CTTN: variants seen among roughly 807,000 people sequenced by gnomAD.
CTTN encodes src substrate cortactin.
CTTN carries 28 observed loss-of-function variants against 84.0 expected under a neutral mutation model. The ratio of observed to expected loss-of-function variants is 0.33; its 90% confidence interval spans 0.25 to 0.46. The LOEUF (loss-of-function observed/expected upper bound fraction) is 0.46, where lower values mean the gene tolerates loss of function less well. Among genes scored for constraint, CTTN ranks in the 20% least tolerant of loss-of-function variants. The probability of loss-of-function intolerance (pLI) is 1.00; values close to 1 mark genes in which losing one functional copy is unlikely to be tolerated. For missense variants in CTTN, 641 were observed against 723.8 expected (o/e 0.89, Z 1.31); for synonymous variants, 301 against 288.8 (o/e 1.04, Z -0.43).
At chr11:70,426,683 G>A (rs1449613070) in intron 13 of CTTN, among the ~76,000 whole-genome samples, 1 of 151,584 alleles carries the variant, frequency 6.6e-6, no homozygotes, top group South Asian at 2.1e-4. Context: ...CCCATCCCGG[G>A]TTCACGGCAT....
chr11:70,408,182 A>G (rs1226813909), intron 4 of CTTN: 1 of 152,184 alleles, frequency 6.6e-6, no homozygotes, highest in Non-Finnish European at 1.5e-5. Context: ...AAATATGCTC[A>G]GACTTTTATT....
Position 70,429,187 on chromosome 11 carries a change from G to T in CTTN, c.1164G>T (p.Arg388Ser). 6.2e-7 allele frequency: 1 copy of T among 1,612,408 alleles called. No individual in the cohort carries two copies. The highest frequency in any genetic ancestry group is 8.5e-7 in the Non-Finnish European group (1 of 1,179,578). The change falls in exon 14 of 18, where the codon AGG (arginine) becomes AGT (serine). Residue 388 changes from arginine to serine, a missense_variant. Arg to Ser is a moderately radical substitution (Grantham distance 110). This residue lies in a region of CTTN where 289 missense variants were observed against 273.1 expected (regional missense o/e 1.06). Coordinates refer to ENST00000301843, the MANE Select transcript of CTTN (RefSeq NM_005231.4). ...AKERQEQEEA[R>S]RKLEEQARAK... ...AGCGGCAGGAGCAGGAAGAGGCCAGGAGGAAGCTGGAGGTGAGTGGCAAGG... is the reference window on the plus strand; with the variant it reads ...AGCGGCAGGAGCAGGAAGAGGCCAGTAGGAAGCTGGAGGTGAGTGGCAAGG...
chr11:70,419,647 C>T, intron 8 of CTTN, 99 bp from the exon 9 acceptor site: 2 of 875,994 alleles, frequency 2.3e-6, no homozygotes, highest in Non-Finnish European at 3.6e-6. Flanking sequence ...CTACAGTGGA[C>T]CTGAAAGATT....
chr11:70,403,727 A>G (rs2058012936), intron 1 of CTTN, among the ~76,000 whole-genome samples: 1 of 152,146 alleles, frequency 6.6e-6, no homozygotes, highest in Non-Finnish European at 1.5e-5. Context: ...GTAGGGCTCT[A>G]GAGGCTTTTT....
chr11:70,430,136 A>G (rs1445890435), intron 14 of CTTN, among the ~76,000 whole-genome samples: 1 of 152,222 alleles, frequency 6.6e-6, no homozygotes, highest in Non-Finnish European at 1.5e-5. Flanking sequence ...CAAAAAGACA[A>G]GACAGCACTA....
chr11:70,414,550 C>T lies in CTTN; in HGVS notation c.300C>T (p.Val100=), dbSNP rs574999868. ...TTTGAACCCTGTTCCAGTCAGCTGT[C>T]GGCCACGAATATCAGTCGAAACTTT... ...VEQDRMDKSA[V]GHEYQSKLSK... The change falls in exon 6 of 18, where the codon GTC becomes GTT. Residue 100 remains valine (V), a synonymous_variant. Transcript: ENST00000301843. 114 of 1,613,582 alleles carry T rather than the reference C, an allele frequency of 7.1e-5. No individual in the cohort carries two copies. The highest frequency in any genetic ancestry group is 1.8e-4 in the East Asian group (8 of 44,864).
chr11:70,401,075 T>G (rs766463450), intron 1 of CTTN, among the ~76,000 whole-genome samples: 2 of 152,192 alleles, frequency 1.3e-5, no homozygotes, highest in Non-Finnish European at 2.9e-5. Context: ...GGCTCACACC[T>G]GTAATCTCAG....
chr11:70,417,274 C>A, intron 8 of CTTN, 151 bp downstream of exon 8: 1 of 645,512 alleles, frequency 1.5e-6, no homozygotes, highest in East Asian at 2.7e-5. Context: ...TTTCCTAATT[C>A]GAATGGCTGC....
chr11:70,416,435 T>A (rs762095133), intron 7 of CTTN, among the ~76,000 whole-genome samples: 3 of 152,086 alleles, frequency 2.0e-5, no homozygotes, highest in Non-Finnish European at 4.4e-5. Context: ...TTTGTTTTGT[T>A]TGTTTGTTTG....
In CTTN at chr11:70,416,203, G is replaced by T. The variant is rs142424639; in HGVS notation, c.457+486G>T. ...CTTTTTTGAAAGACCAAAGCATATC[G>T]CCACCTTAAAGTTCTCAGTTTATTT... is the stretch of plus-strand genomic sequence containing the variant. On this transcript the variant is annotated intron_variant, in intron 7 of 17. Transcript: ENST00000301843. The T allele has an allele frequency of 2.3e-4, 35 of 154,312 alleles. No homozygotes were observed. In the East Asian group the frequency reaches 6.3e-3, roughly 28 times the overall value. 9.6% of individuals were successfully genotyped at this position (154,312 alleles called of 1,614,324 possible).
Position 70,429,164 on chromosome 11 carries a change from C to T in CTTN, c.1141C>T (p.Arg381Trp), listed in dbSNP as rs768949802. 16 of 1,613,570 alleles carry T rather than the reference C, an allele frequency of 9.9e-6. No individual in the cohort carries two copies. The highest frequency in any genetic ancestry group is 1.7e-5 in the Admixed American group (1 of 60,006). The change falls in exon 14 of 18, where the codon CGG (arginine) becomes TGG (tryptophan). Residue 381 changes from arginine (R) to tryptophan (W), a missense_variant. By Grantham distance (101) the Arg-to-Trp change is moderately radical. Transcript: ENST00000301843. ...AERAQRMAKERQEQEEARRKL... is the reference protein window; with the variant it reads ...AERAQRMAKEWQEQEEARRKL... ...GAGAGCCCAGCGGATGGCCAAGGAG[C>T]GGCAGGAGCAGGAAGAGGCCAGGAG...
At position 70,435,804 on chromosome 11, in the gene CTTN, C is replaced by G. The variant is rs1287239777; in HGVS notation, c.*642C>G. On this transcript the variant is annotated 3_prime_UTR_variant, in exon 18 of 18. Transcript: ENST00000301843. Reference sequence around the variant, plus strand: ...TGCCCACTCCGGCTTGTCCTCATCTCTACCCATCCCCTGATGCCCAGGTCA... The same window carrying G: ...TGCCCACTCCGGCTTGTCCTCATCTGTACCCATCCCCTGATGCCCAGGTCA... The G allele has an allele frequency of 1.3e-6, 2 of 1,569,574 alleles. No individual in the cohort carries two copies. The highest frequency in any genetic ancestry group is 2.7e-5 in the African/African-American group (2 of 74,166).
rs776754730 is a variant in CTTN, at chr11:70,409,949, C to A, written c.280C>A (p.Arg94=). The A allele has an allele frequency of 1.9e-6, 3 of 1,613,816 alleles. No homozygotes were observed. Among genetic ancestry groups the A allele is most frequent in the African/African-American group, 1.3e-5 (1 of 74,900 alleles). The change falls in exon 5 of 18, where the codon CGA becomes AGA. Residue 94 remains arginine, a synonymous_variant. Transcript: ENST00000301843. The part of the protein sequence containing the change: ...YGGKFGVEQD[R]MDKSAVGHEY... Reference sequence around the variant, plus strand: ...AGGGAAATTTGGTGTGGAACAAGACCGAATGGATAAGGTAAGTGGCCCGCG... The same window carrying A: ...AGGGAAATTTGGTGTGGAACAAGACAGAATGGATAAGGTAAGTGGCCCGCG...
At chr11:70,408,904 T>C (rs1251899792) in intron 4 of CTTN, among the ~76,000 whole-genome samples, 1 of 152,044 alleles carries the variant, frequency 6.6e-6, no homozygotes, top group Non-Finnish European at 1.5e-5. Context: ...TCATCATACC[T>C]CTTCTCATCT....
rs1437765891 is a variant in CTTN at position 70,436,281 on chromosome 11, G to A, written c.*1119G>A. 1.9e-6 allele frequency: 3 copies of A among 1,598,036 alleles called. No homozygotes were observed. Among genetic ancestry groups the A allele is most frequent in the Admixed American group, 1.7e-5 (1 of 59,980 alleles). Reference sequence around the variant, plus strand: ...GGCATTTGTGGCCACTCACTTTGTAGGAAACTCATCTCCTTCCTGAGGAGC... The same window carrying A: ...GGCATTTGTGGCCACTCACTTTGTAAGAAACTCATCTCCTTCCTGAGGAGC... On this transcript the variant is annotated 3_prime_UTR_variant, in exon 18 of 18. Coordinates refer to ENST00000301843, the MANE Select transcript of CTTN (RefSeq NM_005231.4).
chr11:70,428,574 A>G (rs761877700), intron 13 of CTTN, among the ~76,000 whole-genome samples: 3 of 151,360 alleles, frequency 2.0e-5, no homozygotes, highest in Non-Finnish European at 4.4e-5. Context: ...TCCCGTCTCA[A>G]CCTCCCAAAG....
intron 5 of CTTN, among the ~76,000 whole-genome samples, chr11:70,412,989 C>T (rs750097374): frequency 6.6e-6 from 1 of 152,204 alleles, no homozygotes; most frequent in African/African-American, 2.4e-5. Context: ...ACTCCTTCAT[C>T]TCTGTTTTCT....
chr11:70,417,020 C>T lies in CTTN; in HGVS notation c.465C>T (p.Ser155=). ...GCTGCCCTGTCTCTCCAGACTACTC[C>T]AGTGGTTTTGGCGGCAAGTATGGCG... ...TEKHASQKDY[S]SGFGGKYGVQ... is the part of the protein sequence containing the mutation. Residue 155 remains serine (S), a synonymous_variant, in exon 8 of 18, where the codon TCC becomes TCT. Coordinates refer to ENST00000301843, the MANE Select transcript of CTTN (RefSeq NM_005231.4). 1 of 1,613,992 alleles carries T rather than the reference C, an allele frequency of 6.2e-7. No individual in the cohort carries two copies. The highest frequency in any genetic ancestry group is 8.5e-7 in the Non-Finnish European group (1 of 1,179,856).
intron 16 of CTTN, 139 bp downstream of exon 16, chr11:70,433,417 C>T (rs1266387925): frequency 2.1e-6 from 2 of 960,426 alleles, no homozygotes; most frequent in Admixed American, 5.5e-5. Context: ...GTCTTCTTGT[C>T]CCTGGAGGGA....
Sources: gnomAD v4.1 joint callset for allele counts (sites outside exome capture counted in the v4.1 genomes callset) on GRCh38, gnomAD v4.1.1 for gene constraint, gnomAD v4.1.1 regional missense constraint, MANE v1.5 for transcripts, NCBI Gene and HGNC (gene_info 2026-07-23, HGNC 2026-07-21) for gene names.